Variants in KLHL7 observed in about 807,000 individuals in gnomAD.
KLHL7 encodes the protein kelch-like protein 7.
Under a neutral mutation model 67.4 loss-of-function variants are expected in KLHL7, and 44 were observed. The ratio of observed to expected loss-of-function variants is 0.65; its 90% CI spans 0.51 to 0.84. The LOEUF (loss-of-function observed/expected upper bound fraction) is 0.84, where lower values mean the gene tolerates loss of function less well. Ranked by LOEUF, KLHL7 falls within the 40% of genes least tolerant of loss-of-function variation. KLHL7 has a pLI of 0.00. For synonymous variants in KLHL7, 252 were observed against 243.3 expected (o/e 1.04, Z -0.33); for missense variants, 362 against 718.1 (o/e 0.50, Z 5.67).
At chr7:23,154,172 G>C (rs891922252) in intron 7 of KLHL7, among the ~76,000 whole-genome samples, 2 of 152,246 alleles carry the variant, frequency 1.3e-5, no homozygotes. Context: ...TGGCCAACAT[G>C]GTGAAACTCC....
intron 8 of KLHL7, 83 bp downstream of exon 8, chr7:23,166,021 G>C (rs1784994792): frequency 3.5e-6 from 5 of 1,424,614 alleles, no homozygotes; most frequent in Non-Finnish European, 4.9e-6. Context: ...TAAACAGCTG[G>C]TATTATTTGT....
intron 4 of KLHL7, among the ~76,000 whole-genome samples, chr7:23,138,630 C>T (rs1260665649): frequency 3.3e-5 from 5 of 151,884 alleles, no homozygotes; most frequent in African/African-American, 1.2e-4. Flanking sequence ...CTCTGCCTCC[C>T]GGGTTCAAGT....
At chr7:23,106,818 T>C (rs931374286) in intron 1 of KLHL7, 11 of 985,284 alleles carry the variant, frequency 1.1e-5, no homozygotes, top group Non-Finnish European at 7.2e-6. Flanking sequence ...AGAACGGATT[T>C]TAACGCTGGC....
At chr7:23,132,246 G>A (rs1457467398) in intron 4 of KLHL7, among the ~76,000 whole-genome samples, 1 of 152,162 alleles carries the variant, frequency 6.6e-6, no homozygotes, top group East Asian at 1.9e-4. Flanking sequence ...CTCCATAGTG[G>A]TTGTACTAAT....
chr7:23,138,117 A>G (rs549647996), intron 4 of KLHL7, among the ~76,000 whole-genome samples: 29 of 152,024 alleles, frequency 1.9e-4, no homozygotes, highest in African/African-American at 7.0e-4. Context: ...CAGAAGTTGC[A>G]GTGAGCCGAG....
chr7:23,136,618 G>A (rs188254389), intron 4 of KLHL7, among the ~76,000 whole-genome samples: 91 of 152,328 alleles, frequency 6.0e-4, no homozygotes, highest in Non-Finnish European at 1.0e-3. Flanking sequence ...AAAAGCTGGA[G>A]CACCTAAAAA....
chr7:23,145,298 C>A (rs577587990), intron 6 of KLHL7, among the ~76,000 whole-genome samples: 1 of 151,352 alleles, frequency 6.6e-6, no homozygotes, highest in African/African-American at 2.4e-5. Context: ...TTTTTTCAAC[C>A]CTTTTATTTC....
rs1286954408 is a variant in KLHL7, at chr7:23,170,924, T to TTTG, written c.1380-2024_1380-2023insTTG. On this transcript the variant is annotated intron_variant, in intron 9 of 10. Transcript: ENST00000339077. ...AGAAATGACTTTTTTTTTTTTTTTTTGTGAGACGGAGTCTCACTCTGTCAC... is the reference window on the plus strand; with the variant it reads ...AGAAATGACTTTTTTTTTTTTTTTTTTTGGTGAGACGGAGTCTCACTCTGTCAC... Among the ~76,000 whole-genome samples, 177 of 148,102 alleles carry TTTG rather than the reference T, an allele frequency of 1.2e-3. 2 individuals are homozygous for TTTG. The highest frequency in any genetic ancestry group is 4.2e-3 in the African/African-American group (165 of 39,450).
At position 23,174,689 on chromosome 7, in the gene KLHL7, T is replaced by G. The variant is rs1349179983; in HGVS notation, c.*391T>G. ...AGTGCTATACGGTTAGGTCTGTTTG[T>G]GCTCAGTCAAGAACTAAGAAATAGT... is the stretch of plus-strand genomic sequence containing the variant. On this transcript the variant is annotated 3_prime_UTR_variant, in exon 11 of 11. Coordinates refer to ENST00000339077, the MANE Select transcript of KLHL7 (RefSeq NM_001031710.3). 3 of 457,670 alleles carry G rather than the reference T, an allele frequency of 6.6e-6. No individual in the cohort carries two copies. The Admixed American group carries it at 7.0e-5, about 11-fold the overall frequency. The allele number at this position is 457,670 out of a possible 1,614,324, so 28.4% of individuals were successfully genotyped here.
intron 1 of KLHL7, 167 bp downstream of exon 1, chr7:23,106,313 G>C (rs1359740859): frequency 2.0e-6 from 3 of 1,478,282 alleles, no homozygotes; most frequent in Non-Finnish European, 2.7e-6. Flanking sequence ...GTAGAGGGGC[G>C]CGTAAAACAA....
At chr7:23,125,295 C>T (rs1411107821) in intron 4 of KLHL7, 123 bp downstream of exon 4, 11 of 969,108 alleles carry the variant, frequency 1.1e-5, no homozygotes, top group African/African-American at 1.7e-5. Flanking sequence ...TCCACTAGAA[C>T]GTTTTCTAGT....
chr7:23,133,282 A>G (rs1437301076), intron 4 of KLHL7, among the ~76,000 whole-genome samples: 1 of 151,920 alleles, frequency 6.6e-6, no homozygotes, highest in Non-Finnish European at 1.5e-5. Flanking sequence ...AACATGGAAT[A>G]TTTTCCCACT....
chr7:23,105,787 G>C lies in KLHL7; in HGVS notation c.-240G>C. 1.8e-6 allele frequency: 1 copy of C among 553,252 alleles called. No individual in the cohort carries two copies. The highest frequency in any genetic ancestry group is 3.2e-6 in the Non-Finnish European group (1 of 311,620). The allele number at this position is 553,252 out of a possible 1,614,324, so 34.3% of individuals were successfully genotyped here. Reference sequence around the variant, plus strand: ...GCGCAGGCTCCTGGGCAGGGCTCGGGTTCTGCCCGGGGACGCAGCCCAGTT... The same window carrying C: ...GCGCAGGCTCCTGGGCAGGGCTCGGCTTCTGCCCGGGGACGCAGCCCAGTT... On this transcript the variant is annotated 5_prime_UTR_variant, in exon 1 of 11. Coordinates refer to ENST00000339077, the MANE Select transcript of KLHL7 (RefSeq NM_001031710.3).
At chr7:23,132,182 G>T (rs1181009642) in intron 4 of KLHL7, among the ~76,000 whole-genome samples, 2 of 152,162 alleles carry the variant, frequency 1.3e-5, no homozygotes, top group Non-Finnish European at 2.9e-5. Flanking sequence ...AAGTGGGATT[G>T]CTGGATCACA....
At position 23,143,826 on chromosome 7, in the gene KLHL7, TTACTG is replaced by T. The variant is rs1784269640; in HGVS notation, c.619-23_619-19del. 10 of 1,612,788 alleles carry T rather than the reference TTACTG, an allele frequency of 6.2e-6. No individual in the cohort carries two copies. Among genetic ancestry groups the T allele is most frequent in the Non-Finnish European group, 8.5e-6 (10 of 1,178,836 alleles). On this transcript the variant is annotated intron_variant, in intron 5 of 10. Transcript: ENST00000339077. ...GAAATGTTGCTGTCTTCTAAGAACT[TTACTG>T]TGCTGTTTTTCCCCCTTAGGTTTAT...
At chr7:23,164,866 T>C (rs1784954094) in intron 7 of KLHL7, among the ~76,000 whole-genome samples, 2 of 152,226 alleles carry the variant, frequency 1.3e-5, no homozygotes, top group African/African-American at 4.8e-5. Context: ...TGGTATGAAT[T>C]CCTATCTGAC....
At chr7:23,115,686 G>A (rs745734408) in intron 1 of KLHL7, among the ~76,000 whole-genome samples, 3 of 151,838 alleles carry the variant, frequency 2.0e-5, no homozygotes, top group African/African-American at 2.4e-5. Flanking sequence ...TGGGATTACC[G>A]GGCGTCCACC....
intron 9 of KLHL7, 76 bp downstream of exon 9, chr7:23,168,113 GGAA>G: frequency 7.2e-7 from 1 of 1,394,446 alleles, no homozygotes; most frequent in Non-Finnish European, 1.0e-6. Context: ...AAAGACCAGA[GGAA>G]CCCAACAGAA....
intron 1 of KLHL7, among the ~76,000 whole-genome samples, chr7:23,121,887 T>C (rs994833620): frequency 1.3e-5 from 2 of 152,044 alleles, no homozygotes; most frequent in Non-Finnish European, 2.9e-5. Flanking sequence ...TTTCACTGTG[T>C]TAGCCAGGAT....
Sources: gnomAD v4.1 joint callset for allele counts (sites outside exome capture counted in the v4.1 genomes callset) on GRCh38, gnomAD v4.1.1 for gene constraint, MANE v1.5 for transcripts, NCBI Gene and HGNC (gene_info 2026-07-23, HGNC 2026-07-21) for gene names.